Variants in ZNF618 observed in about 807,000 individuals in gnomAD.
The protein encoded by ZNF618 is zinc finger protein 618.
Under a neutral mutation model 103.0 loss-of-function variants are expected in ZNF618, and 34 were observed. That is an observed-to-expected ratio of 0.33 (90% CI 0.25 to 0.44). The LOEUF (loss-of-function observed/expected upper bound fraction) is 0.44, where lower values mean the gene tolerates loss of function less well. ZNF618 is among the 20% of genes least tolerant of loss of function. The probability of loss-of-function intolerance (pLI) is 1.00; values close to 1 mark genes in which losing one functional copy is unlikely to be tolerated. For missense variants in ZNF618, 1,059 were observed against 1,295.4 expected, an observed-to-expected ratio of 0.82 and a Z score of 2.80; for synonymous variants, 551 against 542.2, an observed-to-expected ratio of 1.02 and a Z score of -0.23.
At position 113,878,092 on chromosome 9, in the gene ZNF618, G is replaced by A. The variant is rs190896286; in HGVS notation, c.33+1679G>A. On this transcript the variant is annotated intron_variant, in intron 1 of 14. Coordinates refer to ENST00000374126, the MANE Select transcript of ZNF618 (RefSeq NM_001318042.2). ...CCTCTTTGATTGTGATGTGGGGTTG[G>A]TAGTTTATCAATATTTGTTATTTTT... 1.0e-3 allele frequency among the ~76,000 whole-genome samples: 151 copies of A among 151,630 alleles called. 2 individuals are homozygous for A. The East Asian group carries it at 0.024, about 24-fold the overall frequency.
At chr9:114,035,677 A>G (rs1844526476) in intron 12 of ZNF618, among the ~76,000 whole-genome samples, 1 of 150,622 alleles carries the variant, frequency 6.6e-6, no homozygotes, top group Admixed American at 6.6e-5. Context: ...TGCTAAGAGT[A>G]GAGAGCTGAG....
chr9:113,894,784 A>C (rs1829897646), intron 1 of ZNF618, among the ~76,000 whole-genome samples: 1 of 152,194 alleles, frequency 6.6e-6, no homozygotes, highest in Non-Finnish European at 1.5e-5. Context: ...TAGAAAAACT[A>C]CTGATTTTTA....
chr9:113,988,613 A>T (rs1231503722), intron 3 of ZNF618, 33 bp downstream of exon 3: 10 of 1,577,894 alleles, frequency 6.3e-6, no homozygotes, highest in Non-Finnish European at 8.6e-6. Flanking sequence ...CAGGGTGGAG[A>T]CCAGGGTGGG....
intron 2 of ZNF618, among the ~76,000 whole-genome samples, chr9:113,974,771 C>G (rs1219081250): frequency 1.4e-4 from 22 of 152,124 alleles, no homozygotes; most frequent in Admixed American, 1.4e-3. Flanking sequence ...CAGGCATCTT[C>G]CTCACCACCT....
chr9:113,890,355 C>T (rs552416856), intron 1 of ZNF618, among the ~76,000 whole-genome samples: 8 of 152,244 alleles, frequency 5.3e-5, no homozygotes, highest in East Asian at 3.9e-4. Flanking sequence ...TATGATTTTA[C>T]GCAAATGGGA....
At chr9:113,950,812 C>G (rs1199856256) in intron 1 of ZNF618, among the ~76,000 whole-genome samples, 1 of 151,854 alleles carries the variant, frequency 6.6e-6, no homozygotes, top group Non-Finnish European at 1.5e-5. Context: ...TCGAGAGGTT[C>G]CCTGGTGGAA....
intron 1 of ZNF618, among the ~76,000 whole-genome samples, chr9:113,916,980 A>C (rs1279075108): frequency 2.6e-5 from 4 of 152,142 alleles, no homozygotes; most frequent in Non-Finnish European, 5.9e-5. Flanking sequence ...TGGGCGGCTA[A>C]TCTGGCATCT....
rs1846205344 is a variant in ZNF618 at position 114,052,616 on chromosome 9, A to G, written c.*2449A>G. 1 of 152,192 alleles carries G rather than the reference A, an allele frequency of 6.6e-6. No individual in the cohort carries two copies. Among genetic ancestry groups the G allele is most frequent in the Admixed American group, 6.5e-5 (1 of 15,282 alleles). The allele number at this position is 152,192 out of a possible 1,614,324, so 9.4% of individuals were successfully genotyped here. On this transcript the variant is annotated 3_prime_UTR_variant, in exon 15 of 15. Coordinates refer to ENST00000374126, the MANE Select transcript of ZNF618 (RefSeq NM_001318042.2). ...CAAAAGGTCCCTCTAGCGTTGCTTG[A>G]CTGCTGGGGAAGGGACAGTGACCGG...
chr9:113,917,317 C>T (rs1165145659), intron 1 of ZNF618, among the ~76,000 whole-genome samples: 2 of 143,044 alleles, frequency 1.4e-5, no homozygotes, highest in Non-Finnish European at 3.0e-5. Flanking sequence ...TAAGTCTCCA[C>T]TCATTGTACT....
At chr9:113,955,078 A>G (rs1455628358) in intron 1 of ZNF618, among the ~76,000 whole-genome samples, 1 of 149,484 alleles carries the variant, frequency 6.7e-6, no homozygotes, top group Non-Finnish European at 1.5e-5. Context: ...TTCTCTATTC[A>G]CTCATCACCT....
intron 4 of ZNF618, among the ~76,000 whole-genome samples, chr9:113,999,791 T>G (rs1840999724): frequency 1.3e-4 from 20 of 152,168 alleles, no homozygotes; most frequent in Admixed American, 1.3e-3. Context: ...CTGCTTCCTA[T>G]TAGATGGAGG....
intron 6 of ZNF618, among the ~76,000 whole-genome samples, chr9:114,003,486 GAAGT>G (rs1165746671): frequency 6.6e-6 from 1 of 152,230 alleles, no homozygotes; most frequent in Admixed American, 6.5e-5. Context: ...ATTGAATGGA[GAAGT>G]AAGTCTAGTG....
intron 3 of ZNF618, among the ~76,000 whole-genome samples, chr9:113,988,853 G>C (rs1194637171): frequency 6.6e-6 from 1 of 152,196 alleles, no homozygotes; most frequent in Non-Finnish European, 1.5e-5. Flanking sequence ...CCTTCCGGGG[G>C]CCCAGTGAAT....
chr9:113,972,805 C>G (rs1588197527), intron 2 of ZNF618, among the ~76,000 whole-genome samples: 2 of 152,044 alleles, frequency 1.3e-5, no homozygotes, highest in Admixed American at 6.6e-5. Flanking sequence ...GGTGGCTCAC[C>G]CCTGTAACCC....
At chr9:113,988,625 A>T in intron 3 of ZNF618, 45 bp downstream of exon 3, 1 of 1,559,352 alleles carries the variant, frequency 6.4e-7, no homozygotes, top group East Asian at 2.3e-5. Flanking sequence ...CAGGGTGGGA[A>T]CATGGAGTCA....
intron 7 of ZNF618, 38 bp downstream of exon 7, chr9:114,007,477 A>G (rs1841854339): frequency 1.2e-6 from 2 of 1,600,346 alleles, no homozygotes; most frequent in Non-Finnish European, 1.7e-6. Flanking sequence ...TCATGCCAAG[A>G]GGCGCCCTTC....
At chr9:113,990,089 G>A (rs924766376) in intron 3 of ZNF618, among the ~76,000 whole-genome samples, 37 of 152,150 alleles carry the variant, frequency 2.4e-4, no homozygotes, top group African/African-American at 8.4e-4. Flanking sequence ...TGTACTTTGT[G>A]TATGCTGTTG....
chr9:113,889,173 G>C (rs575645587), intron 1 of ZNF618, among the ~76,000 whole-genome samples: 11 of 152,202 alleles, frequency 7.2e-5, no homozygotes, highest in East Asian at 1.9e-4. Flanking sequence ...CAGTTGGTCA[G>C]TTCTGGCTCA....
At chr9:114,013,780 A>G (rs529596424) in intron 9 of ZNF618, among the ~76,000 whole-genome samples, 1 of 152,298 alleles carries the variant, frequency 6.6e-6, no homozygotes, top group East Asian at 1.9e-4. Context: ...GGCTTACAGT[A>G]AAGTAGGTTA....
Sources: gnomAD v4.1 joint callset for allele counts (sites outside exome capture counted in the v4.1 genomes callset) on GRCh38, gnomAD v4.1.1 for gene constraint, MANE v1.5 for transcripts, NCBI Gene and HGNC (gene_info 2026-07-23, HGNC 2026-07-21) for gene names.